The following E2F7 variants were observed in gnomAD, a reference collection of about 807,000 sequenced individuals.
E2F7 encodes the protein transcription factor E2F7.
Under a neutral mutation model 81.1 loss-of-function variants are expected in E2F7, and 35 were observed. That is an observed-to-expected ratio of 0.43 (90% CI 0.33 to 0.57). The LOEUF (loss-of-function observed/expected upper bound fraction) is 0.57. Among genes scored for constraint, E2F7 ranks in the 20% least tolerant of loss-of-function variants. The pLI, the probability that E2F7 is intolerant of heterozygous loss-of-function variation, is 0.04. For missense variants in E2F7, 961 were observed against 1,093.7 expected, an observed-to-expected ratio of 0.88 and a Z score of 1.71; for synonymous variants, 416 against 416.2, an observed-to-expected ratio of 1.00 and a Z score of 0.01.
chr12:77,042,966 G>A (rs1001321094), intron 7 of E2F7, 99 bp downstream of exon 7: 2 of 1,560,486 alleles, frequency 1.3e-6, no homozygotes. Context: ...ATGTGACATG[G>A]GAAAAAGATC....
rs1954942165 is a variant in E2F7, at chr12:77,046,273, C to A, written c.594G>T (p.Leu198=). The A allele has an allele frequency of 6.2e-7, 1 of 1,614,062 alleles. No individual in the cohort carries two copies. The highest frequency in any genetic ancestry group is 1.3e-5 in the African/African-American group (1 of 74,936). The change falls in exon 5 of 13, where the codon CTG becomes CTT. Residue 198 remains leucine, a synonymous_variant. Transcript: ENST00000322886. ...DIVNVLESLH[L]VSRVAKNQYG... is the part of the protein sequence containing the mutation. ...ACTGATTCTTAGCCACCCGGCTGAC[C>A]AGATGCAGCGACTCCAGCACATTTA...
chr12:77,044,131 T>C (rs761713927), intron 6 of E2F7: 25 of 276,652 alleles, frequency 9.0e-5, no homozygotes, highest in Non-Finnish European at 1.5e-4. Flanking sequence ...CCCAGGGCAT[T>C]TGGCTCAGTA....
chr12:77,052,066 G>T (rs182269839), intron 3 of E2F7, among the ~76,000 whole-genome samples: 1 of 152,106 alleles, frequency 6.6e-6, no homozygotes. Flanking sequence ...CAACAAAAAT[G>T]ATAAGGATTT....
intron 2 of E2F7, among the ~76,000 whole-genome samples, chr12:77,063,291 G>A (rs1263795502): frequency 2.0e-5 from 3 of 152,192 alleles, no homozygotes; most frequent in South Asian, 4.1e-4. Flanking sequence ...AAAGGTGAAC[G>A]TTCTTGACTT....
At chr12:77,036,996 G>C (rs1003356646) in intron 7 of E2F7, among the ~76,000 whole-genome samples, 2 of 152,090 alleles carry the variant, frequency 1.3e-5, no homozygotes, top group East Asian at 3.9e-4. Context: ...TGATCCACCC[G>C]CCTCGGCCTC....
At chr12:77,040,277 A>G (rs1004854537) in intron 7 of E2F7, among the ~76,000 whole-genome samples, 1 of 152,214 alleles carries the variant, frequency 6.6e-6, no homozygotes, top group African/African-American at 2.4e-5. Flanking sequence ...TATATTCTCC[A>G]TAAGGCACAA....
At position 77,030,243 on chromosome 12, in the gene E2F7, T is replaced by C; in HGVS notation, c.1472A>G (p.Glu491Gly). 1 of 1,613,336 alleles carries C rather than the reference T, an allele frequency of 6.2e-7. No homozygotes were observed. Reference sequence around the variant, plus strand: ...GTGGGCTAAAGGATTAACACAATATTCTGGGTCAACAGAGAGGACAGGGAA... The same window carrying C: ...GTGGGCTAAAGGATTAACACAATATCCTGGGTCAACAGAGAGGACAGGGAA... ...APFPVLSVDP[E>G]YCVNPLAHPV... Residue 491 changes from glutamate (E) to glycine (G), a missense_variant, in exon 10 of 13, where the codon GAA becomes GGA. Physicochemically the swap from Glu to Gly is moderately conservative, Grantham distance 98. Around this residue, in one of 3 missense-constraint regions of E2F7, gnomAD observed 587 missense variants for 620.3 expected, o/e 0.95. Coordinates refer to ENST00000322886, the MANE Select transcript of E2F7 (RefSeq NM_203394.3).
At position 77,025,657 on chromosome 12, in the gene E2F7, T is replaced by C; in HGVS notation, c.2466A>G (p.Leu822=). ...ACCTTGACATCACTGGACTTAGGTTTAGTGAGGGCTGACTCTGAAGCTGAG... is the reference window on the plus strand; with the variant it reads ...ACCTTGACATCACTGGACTTAGGTTCAGTGAGGGCTGACTCTGAAGCTGAG... ...ADPQLQSQPS[L]NLSPVMSRSH... is the part of the protein sequence containing the mutation. The change falls in exon 12 of 13, where the codon CTA becomes CTG. Residue 822 remains leucine (L), a synonymous_variant. Transcript: ENST00000322886. 6.2e-7 allele frequency: 1 copy of C among 1,614,138 alleles called. No individual in the cohort carries two copies. The highest frequency in any genetic ancestry group is 1.3e-5 in the African/African-American group (1 of 75,028).
chr12:77,052,779 A>C (rs898460893), intron 3 of E2F7, among the ~76,000 whole-genome samples: 2 of 152,114 alleles, frequency 1.3e-5, no homozygotes, highest in Non-Finnish European at 2.9e-5. Flanking sequence ...TATATAATAA[A>C]GGTTTAGTAT....
At position 77,033,934 on chromosome 12, in the gene E2F7, A is replaced by G; in HGVS notation, c.1232T>C (p.Phe411Ser). 1 of 1,614,224 alleles carries G rather than the reference A, an allele frequency of 6.2e-7. No homozygotes were observed. Residue 411 changes from phenylalanine to serine, a missense_variant, in exon 8 of 13, where the codon TTT (phenylalanine) becomes TCT (serine). Around this residue, in one of 3 missense-constraint regions of E2F7, gnomAD observed 587 missense variants for 620.3 expected, o/e 0.95. Transcript: ENST00000322886. ...AKQKLARHGS[F>S]NTVQASERIQ... is the part of the protein sequence containing the mutation. Reference sequence around the variant, plus strand: ...CCTCTCAGAAGCCTGAACTGTGTTAAAAGAACCATGGCGAGCCAGCTTCTG... The same window carrying G: ...CCTCTCAGAAGCCTGAACTGTGTTAGAAGAACCATGGCGAGCCAGCTTCTG...
intron 3 of E2F7, among the ~76,000 whole-genome samples, chr12:77,051,478 G>T (rs1346908067): frequency 6.6e-6 from 1 of 152,012 alleles, no homozygotes; most frequent in Non-Finnish European, 1.5e-5. Context: ...AACATACCGG[G>T]GCCTGTCGTG....
intron 9 of E2F7, among the ~76,000 whole-genome samples, chr12:77,031,632 C>T (rs1409443335): frequency 2.6e-5 from 4 of 152,072 alleles, no homozygotes; most frequent in Non-Finnish European, 4.4e-5. Context: ...CAGAGTGAGA[C>T]TCTGTCTCCA....
rs761121484 is a variant in E2F7, at chr12:77,030,350, C to T, written c.1383-18G>A. On this transcript the variant is annotated intron_variant, in intron 9 of 12. Transcript: ENST00000322886. ...CTTTTCCCCTATAATAAAAAAGAAA[C>T]GTAACGAAGTTAGCACATTCTACCA... 11 of 1,520,020 alleles carry T rather than the reference C, an allele frequency of 7.2e-6. No homozygotes were observed. The highest frequency in any genetic ancestry group is 2.8e-5 in the African/African-American group (2 of 71,838). The allele number at this position is 1,520,020 out of a possible 1,614,324, so 94.2% of individuals were successfully genotyped here.
chr12:77,030,408 A>C (rs1194319892), intron 9 of E2F7, 76 bp from the exon 10 acceptor site: 69 of 1,487,496 alleles, frequency 4.6e-5, no homozygotes, highest in Non-Finnish European at 6.1e-5. Context: ...AAAGACAGCC[A>C]TGCCAAATCA....
chr12:77,044,491 C>A, intron 6 of E2F7, 146 bp downstream of exon 6: 1 of 1,018,806 alleles, frequency 9.8e-7, no homozygotes, highest in South Asian at 1.7e-5. Flanking sequence ...TTACCTCTCA[C>A]AGCACCAAAA....
chr12:77,033,489 G>C (rs1227779158), intron 8 of E2F7, among the ~76,000 whole-genome samples: 1 of 152,136 alleles, frequency 6.6e-6, no homozygotes, highest in Non-Finnish European at 1.5e-5. Context: ...TCCAGCCTGG[G>C]TGACAGAGTG....
intron 10 of E2F7, 58 bp from the exon 11 acceptor site, chr12:77,028,196 C>CT: frequency 7.6e-7 from 1 of 1,318,508 alleles, no homozygotes; most frequent in Middle Eastern, 1.9e-4. Context: ...TAGTAAATCT[C>CT]TCTTTTTTTT....
chr12:77,060,707 A>G (rs1197983565), intron 2 of E2F7, among the ~76,000 whole-genome samples: 1 of 152,160 alleles, frequency 6.6e-6, no homozygotes, highest in East Asian at 1.9e-4. Context: ...AATTCTGTCT[A>G]CTATTTAAGT....
At chr12:77,026,991 C>T (rs986916944) in intron 11 of E2F7, among the ~76,000 whole-genome samples, 1 of 152,196 alleles carries the variant, frequency 6.6e-6, no homozygotes, top group Non-Finnish European at 1.5e-5. Context: ...AACCCCTGTG[C>T]TGGGCTGTAA....
Sources: gnomAD v4.1 joint callset for allele counts (sites outside exome capture counted in the v4.1 genomes callset) on GRCh38, gnomAD v4.1.1 for gene constraint, gnomAD v4.1.1 regional missense constraint, MANE v1.5 for transcripts, NCBI Gene and HGNC (gene_info 2026-07-23, HGNC 2026-07-21) for gene names.